MAP2K3: variants seen among roughly 807,000 people sequenced by gnomAD.
MAP2K3 encodes the protein mitogen-activated protein kinase kinase 3.
Under a neutral mutation model 46.4 loss-of-function variants are expected in MAP2K3, and 30 were observed. The observed-to-expected ratio is 0.65, with a 90% confidence interval of 0.48 to 0.88. MAP2K3 has a LOEUF of 0.88. Among genes scored for constraint, MAP2K3 ranks in the 40% least tolerant of loss-of-function variants. The probability of loss-of-function intolerance (pLI) is 0.00; values close to 1 mark genes in which losing one functional copy is unlikely to be tolerated. For synonymous variants in MAP2K3, 189 were observed against 176.3 expected, an observed-to-expected ratio of 1.07 and a Z score of -0.57; for missense variants, 380 against 464.5, an observed-to-expected ratio of 0.82 and a Z score of 1.67.
At chr17:21,311,899 G>A (rs73982795) in intron 9 of MAP2K3, 5 of 444,658 alleles carry the variant, frequency 1.1e-5, no homozygotes, top group African/African-American at 8.2e-5. Context: ...GGTCCCACCA[G>A]TCCCGGTGTG....
chr17:21,284,812 C>T lies in MAP2K3; in HGVS notation c.-109C>T, dbSNP rs1567654220. 1 of 1,277,456 alleles carries T rather than the reference C, an allele frequency of 7.8e-7. No individual in the cohort carries two copies. Among genetic ancestry groups the T allele is most frequent in the African/African-American group, 1.6e-5 (1 of 62,970 alleles). 79.1% of individuals were successfully genotyped at this position (1,277,456 alleles called of 1,614,324 possible). On this transcript the variant is annotated 5_prime_UTR_variant, in exon 1 of 12. Coordinates refer to ENST00000342679, the MANE Select transcript of MAP2K3 (RefSeq NM_145109.3). Reference sequence around the variant, plus strand: ...CGCCGCCGCCGCCGCCGCCGCTGCTCCTCCGCCTGGCCTGGGCCGTCTGCC... The same window carrying T: ...CGCCGCCGCCGCCGCCGCCGCTGCTTCTCCGCCTGGCCTGGGCCGTCTGCC...
Position 21,312,347 on chromosome 17 carries a change from G to A in MAP2K3, c.914+66G>A, listed in dbSNP as rs1977207617. The A allele has an allele frequency of 3.4e-6, 5 of 1,479,640 alleles. No individual in the cohort carries two copies. The South Asian group carries it at 6.9e-5, about 20-fold the overall frequency. The allele number at this position is 1,479,640 out of a possible 1,614,324, so 91.7% of individuals were successfully genotyped here. On this transcript the variant is annotated intron_variant, in intron 10 of 11. Coordinates refer to ENST00000342679, the MANE Select transcript of MAP2K3 (RefSeq NM_145109.3). ...CCTGGCCAGATCCCTGCACCTTCCT[G>A]GGCCCTGTTCCTTTATTCCTTTGGC...
intron 9 of MAP2K3, among the ~76,000 whole-genome samples, chr17:21,307,845 CTTTTTTTTT>C (rs35690616): frequency 0.011 from 1,129 of 104,322 alleles, no homozygotes; most frequent in African/African-American, 0.039. Flanking sequence ...GCCCGGCTAT[CTTTTTTTTT>C]TTTTTTTTTT....
chr17:21,296,305 A>T, intron 1 of MAP2K3: 2 of 796,892 alleles, frequency 2.5e-6, no homozygotes, highest in Non-Finnish European at 3.7e-6. Context: ...GGAGTTTACC[A>T]CGGCTGCGCC....
intron 4 of MAP2K3, 65 bp from the exon 5 acceptor site, chr17:21,300,809 C>G: frequency 1.2e-6 from 2 of 1,612,890 alleles, no homozygotes; most frequent in South Asian, 2.2e-5. Flanking sequence ...TCCTGGCCCT[C>G]CTGTCATGAG....
intron 1 of MAP2K3, among the ~76,000 whole-genome samples, chr17:21,290,412 C>T (rs140438103): frequency 2.8e-4 from 43 of 152,402 alleles, no homozygotes; most frequent in Admixed American, 9.8e-4. Context: ...CACGGCATCC[C>T]GGATGGCTGG....
chr17:21,303,683 G>C (rs1976730890), intron 7 of MAP2K3, among the ~76,000 whole-genome samples: 1 of 152,312 alleles, frequency 6.6e-6, no homozygotes, highest in Non-Finnish European at 1.5e-5. Context: ...GCCCTTTCTG[G>C]AACATCAGCC....
chr17:21,284,736 C>T lies in MAP2K3; in HGVS notation c.-185C>T, dbSNP rs1975675294. On this transcript the variant is annotated 5_prime_UTR_variant, in exon 1 of 12. Transcript: ENST00000342679. ...AGTCTGTCTCCGGCGCCGCCCGTCGCGGACTCGTCCTTGCTGCAGTCGCCG... is the reference window on the plus strand; with the variant it reads ...AGTCTGTCTCCGGCGCCGCCCGTCGTGGACTCGTCCTTGCTGCAGTCGCCG... The T allele has an allele frequency of 3.7e-6, 2 of 546,470 alleles. No homozygotes were observed. Among genetic ancestry groups the T allele is most frequent in the Non-Finnish European group, 6.1e-6 (2 of 329,448 alleles). The allele number at this position is 546,470 out of a possible 1,614,324, so 33.9% of individuals were successfully genotyped here. A position where few individuals can be genotyped will look rare whatever the true frequency, so the allele number is the denominator to read the frequency against.
At chr17:21,285,951 A>T (rs1199644875) in intron 1 of MAP2K3, among the ~76,000 whole-genome samples, 3 of 151,966 alleles carry the variant, frequency 2.0e-5, no homozygotes, top group Non-Finnish European at 2.9e-5. Flanking sequence ...TCGGAGTTTC[A>T]GTAGGCTGGG....
At chr17:21,296,216 T>C in intron 1 of MAP2K3, 2 of 1,284,424 alleles carry the variant, frequency 1.6e-6, no homozygotes, top group Non-Finnish European at 2.0e-6. Context: ...GGCAGGTGGG[T>C]GGCATTTCTG....
chr17:21,287,987 A>T (rs577388013), intron 1 of MAP2K3: 1 of 1,278,604 alleles, frequency 7.8e-7, no homozygotes, highest in Non-Finnish European at 1.0e-6. Flanking sequence ...CTTGTGACGC[A>T]CAGGAAACTC....
At chr17:21,311,731 G>A (rs1977172906) in intron 9 of MAP2K3, 2 of 165,196 alleles carry the variant, frequency 1.2e-5, no homozygotes, top group South Asian at 1.6e-4. Flanking sequence ...ATGGTCAGAT[G>A]TTAGGAAGGG....
intron 1 of MAP2K3, chr17:21,288,052 C>T: frequency 3.1e-6 from 4 of 1,289,338 alleles, no homozygotes; most frequent in Non-Finnish European, 4.0e-6. Flanking sequence ...CTCAGTTGGC[C>T]CGTGTGAGGA....
intron 3 of MAP2K3, among the ~76,000 whole-genome samples, chr17:21,299,360 G>C (rs573614526): frequency 6.6e-6 from 1 of 152,312 alleles, no homozygotes. Context: ...CTCAGGGACC[G>C]TGCTATGCCC....
chr17:21,313,508 G>A lies in MAP2K3; in HGVS notation c.931G>A (p.Ala311Thr), dbSNP rs55740804. ...FTAQCLRKNP[A>T]ERMSYLELME... ...CTCTCCTAGCCTGAGGAAGAACCCC[G>A]CAGAGCGTATGAGCTACCTGGAGCT... Residue 311 changes from alanine (A) to threonine (T), a missense_variant, in exon 11 of 12, where the codon GCA (alanine) becomes ACA (threonine). Transcript: ENST00000342679. 6.8e-6 allele frequency: 11 copies of A among 1,610,998 alleles called. No individual in the cohort carries two copies. Among genetic ancestry groups the A allele is most frequent in the Admixed American group, 3.3e-5 (2 of 59,940 alleles).
intron 1 of MAP2K3, chr17:21,291,377 A>ACAACACAACACAACT: frequency 2.3e-6 from 1 of 443,686 alleles, no homozygotes; most frequent in Non-Finnish European, 4.5e-6. Flanking sequence ...ACAACACAAC[A>ACAACACAACACAACT]CGTAGTGATA....
intron 1 of MAP2K3, chr17:21,291,516 C>T (rs1452439278): frequency 2.2e-6 from 1 of 456,414 alleles, no homozygotes; most frequent in African/African-American, 2.0e-5. Context: ...ACGTGGGGAC[C>T]TTTGGAGCAC....
chr17:21,298,783 G>GT (rs1479530078), intron 2 of MAP2K3, 95 bp from the exon 3 acceptor site: 1 of 1,564,684 alleles, frequency 6.4e-7, no homozygotes, highest in African/African-American at 1.4e-5. Flanking sequence ...GAGGCACCTC[G>GT]TCCCCACGCC....
intron 6 of MAP2K3, among the ~76,000 whole-genome samples, chr17:21,302,478 C>T (rs1227048537): frequency 6.6e-6 from 1 of 152,428 alleles, no homozygotes; most frequent in South Asian, 2.1e-4. Flanking sequence ...GCTCCTGGAG[C>T]CCCACAGATT....
Sources: allele counts gnomAD v4.1 joint callset (sites outside exome capture counted in the v4.1 genomes callset), GRCh38; gene constraint gnomAD v4.1.1; transcripts MANE v1.5; gene names NCBI Gene and HGNC (gene_info 2026-07-23, HGNC 2026-07-21).